The following B3GALT1 variants were observed in gnomAD, a reference collection of about 807,000 sequenced individuals.
B3GALT1 encodes the protein UDP-Gal:betaGlcNAc beta 1,3-galactosyltransferase, polypeptide 1.
A neutral mutation model predicts 23.2 loss-of-function variants in B3GALT1; 10 were observed. That is an observed-to-expected ratio of 0.43 (90% CI 0.27 to 0.73). B3GALT1 has a LOEUF of 0.73. Among genes scored for constraint, B3GALT1 ranks in the 30% least tolerant of loss-of-function variants. The pLI is 0.21. For synonymous variants in B3GALT1, 156 were observed against 141.5 expected (o/e 1.10, Z -0.73); for missense variants, 299 against 405.4 (o/e 0.74, Z 2.25).
chr2:167,512,608 GTA>G lies in B3GALT1; in HGVS notation c.-410+22342_-410+22343del, dbSNP rs1273223578. ...TATATATATGTGTATATATATATATGTATATATATATACGTGTATATATATAT... is the reference window on the plus strand; with the variant it reads ...TATATATATGTGTATATATATATATGTATATATATACGTGTATATATATAT... On this transcript the variant is annotated intron_variant, in intron 2 of 4. Transcript: ENST00000392690. 9.5e-4 allele frequency among the ~76,000 whole-genome samples: 76 copies of G among 80,132 alleles called. 2 individuals are homozygous for G. The highest frequency in any genetic ancestry group is 3.2e-3 in the African/African-American group (48 of 15,126). The allele number at this position is 80,132 out of a possible 152,430, so 52.6% of individuals were successfully genotyped here. A position where few individuals can be genotyped will look rare whatever the true frequency, so the allele number is the denominator to read the frequency against.
chr2:167,561,229 A>C (rs1025009935), intron 2 of B3GALT1, among the ~76,000 whole-genome samples: 10 of 152,220 alleles, frequency 6.6e-5, no homozygotes, highest in African/African-American at 2.2e-4. Flanking sequence ...AAATGAAGGC[A>C]GACATAAAGA....
At chr2:167,327,357 T>G (rs1240955474) in intron 1 of B3GALT1, among the ~76,000 whole-genome samples, 1 of 152,140 alleles carries the variant, frequency 6.6e-6, no homozygotes, top group Non-Finnish European at 1.5e-5. Context: ...ATGGTTATTT[T>G]AACAATGTGA....
At chr2:167,518,296 AT>A (rs1304486218) in intron 2 of B3GALT1, among the ~76,000 whole-genome samples, 1 of 152,090 alleles carries the variant, frequency 6.6e-6, no homozygotes, top group East Asian at 1.9e-4. Flanking sequence ...ATGGAAAATT[AT>A]TTTCTTAAGC....
intron 4 of B3GALT1, among the ~76,000 whole-genome samples, chr2:167,860,709 G>C (rs956841582): frequency 4.6e-5 from 7 of 152,142 alleles, no homozygotes; most frequent in Non-Finnish European, 7.4e-5. Flanking sequence ...ATCAGGAACT[G>C]CTGGTTTGGG....
intron 1 of B3GALT1, among the ~76,000 whole-genome samples, chr2:167,371,777 A>C (rs1697690514): frequency 6.6e-6 from 1 of 151,072 alleles, no homozygotes; most frequent in African/African-American, 2.4e-5. Context: ...TTTTTAATGG[A>C]TCAGTTCTGA....
intron 1 of B3GALT1, among the ~76,000 whole-genome samples, chr2:167,296,195 A>G (rs1187623409): frequency 6.6e-6 from 1 of 152,234 alleles, no homozygotes; most frequent in African/African-American, 2.4e-5. Context: ...ACAAAATTTT[A>G]ATTTTAATAC....
intron 1 of B3GALT1, among the ~76,000 whole-genome samples, chr2:167,302,045 G>A (rs1696456623): frequency 6.6e-6 from 1 of 152,094 alleles, no homozygotes; most frequent in African/African-American, 2.4e-5. Context: ...TAGTGTGATG[G>A]TAGAAATAAA....
At chr2:167,705,433 G>A (rs1686953114) in intron 3 of B3GALT1, among the ~76,000 whole-genome samples, 1 of 152,142 alleles carries the variant, frequency 6.6e-6, no homozygotes, top group Non-Finnish European at 1.5e-5. Flanking sequence ...GACAAGGCAA[G>A]GCTTGGGGAA....
At chr2:167,693,200 A>G (rs966858674) in intron 3 of B3GALT1, among the ~76,000 whole-genome samples, 2 of 152,050 alleles carry the variant, frequency 1.3e-5, no homozygotes, top group African/African-American at 4.8e-5. Context: ...TAATTTCAGT[A>G]TTTCAAGAGG....
chr2:167,448,011 A>G (rs2105318105), intron 1 of B3GALT1, among the ~76,000 whole-genome samples: 1 of 152,146 alleles, frequency 6.6e-6, no homozygotes, highest in Admixed American at 6.5e-5. Context: ...CAATTTCTTT[A>G]TCCACTTTTT....
intron 3 of B3GALT1, among the ~76,000 whole-genome samples, chr2:167,755,062 G>GCA (rs895385597): frequency 2.6e-5 from 4 of 152,114 alleles, no homozygotes; most frequent in Non-Finnish European, 4.4e-5. Context: ...CTAGAGCCAT[G>GCA]CACAGGTAGC....
At chr2:167,815,374 C>G (rs1688975243) in intron 3 of B3GALT1, 1 of 152,164 alleles carries the variant, frequency 6.6e-6, no homozygotes, top group Non-Finnish European at 1.5e-5. Context: ...ATAGAATTTA[C>G]CTTGATAAGT....
chr2:167,837,618 C>T (rs572011727), intron 4 of B3GALT1, among the ~76,000 whole-genome samples: 18 of 150,420 alleles, frequency 1.2e-4, no homozygotes, highest in Admixed American at 4.6e-4. Flanking sequence ...GACAGATCAA[C>T]GAGACAGAAA....
At chr2:167,463,063 G>A (rs977962333) in intron 1 of B3GALT1, among the ~76,000 whole-genome samples, 1 of 152,072 alleles carries the variant, frequency 6.6e-6, no homozygotes, top group African/African-American at 2.4e-5. Flanking sequence ...GCCTTTTCCT[G>A]AAGGTACAAC....
intron 1 of B3GALT1, among the ~76,000 whole-genome samples, chr2:167,463,171 C>T (rs1329341630): frequency 1.3e-5 from 2 of 151,884 alleles, no homozygotes; most frequent in Non-Finnish European, 2.9e-5. Context: ...TTCTTGGTGG[C>T]AAAATTAGGA....
chr2:167,858,005 C>A (rs1443176196), intron 4 of B3GALT1, among the ~76,000 whole-genome samples: 2 of 152,132 alleles, frequency 1.3e-5, no homozygotes, highest in African/African-American at 2.4e-5. Flanking sequence ...TTGTCTTAAA[C>A]CTCTGTAAAA....
At chr2:167,790,921 G>A (rs952729040) in intron 3 of B3GALT1, among the ~76,000 whole-genome samples, 3 of 152,104 alleles carry the variant, frequency 2.0e-5, no homozygotes, top group South Asian at 2.1e-4. Flanking sequence ...TAAACAAGGC[G>A]CTTCCCTTTT....
chr2:167,307,156 G>A (rs930007143), intron 1 of B3GALT1, among the ~76,000 whole-genome samples: 3 of 151,872 alleles, frequency 2.0e-5, no homozygotes, highest in Non-Finnish European at 1.5e-5. Context: ...TTCAAAAAAA[G>A]AGCAAATAAC....
At chr2:167,730,229 A>G (rs143260437) in intron 3 of B3GALT1, among the ~76,000 whole-genome samples, 6 of 152,112 alleles carry the variant, frequency 3.9e-5, no homozygotes, top group Non-Finnish European at 5.9e-5. Flanking sequence ...CTTTCCACAC[A>G]TACAGCAAGC....
Sources: gnomAD v4.1 joint callset for allele counts (sites outside exome capture counted in the v4.1 genomes callset) on GRCh38, gnomAD v4.1.1 for gene constraint, MANE v1.5 for transcripts, NCBI Gene and HGNC (gene_info 2026-07-23, HGNC 2026-07-21) for gene names.